BMX: variants seen among roughly 807,000 people sequenced by gnomAD.
The protein encoded by BMX is cytoplasmic tyrosine-protein kinase BMX.
In BMX, 31 loss-of-function variants were observed where a neutral mutation model predicts 59.2. The ratio of observed to expected loss-of-function variants is 0.52; its 90% CI spans 0.39 to 0.71. BMX has a LOEUF of 0.71. Among genes scored for constraint, BMX ranks in the 30% least tolerant of loss-of-function variants. The pLI is 0.00. For missense variants in BMX, 474 were observed against 491.7 expected (o/e 0.96, Z 0.34); for synonymous variants, 185 against 181.0 (o/e 1.02, Z -0.18).
chrX:15,530,228 C>T (rs1384049790), intron 10 of BMX, among the ~76,000 whole-genome samples: 3 of 111,921 alleles, frequency 2.7e-5, no homozygotes, highest in Non-Finnish European at 3.8e-5. Context: ...GCATAATAAA[C>T]CACTCCTAAA....
chrX:15,555,201 C>CTTTTTTTT (rs34118728), intron 18 of BMX, among the ~76,000 whole-genome samples: 4 of 41,592 alleles, frequency 9.6e-5, no homozygotes, highest in Non-Finnish European at 1.2e-4. Context: ...ACGAGGGAAG[C>CTTTTTTTT]TTTTTTTTTT....
chrX:15,518,587 A>T (rs182083827), intron 6 of BMX, among the ~76,000 whole-genome samples: 280 of 111,413 alleles, frequency 2.5e-3, no homozygotes, highest in Non-Finnish European at 3.8e-3. Context: ...GTTCCATCCA[A>T]TGTTATTATC....
chrX:15,537,441 A>C, intron 14 of BMX, 136 bp downstream of exon 14: 1 of 675,127 alleles, frequency 1.5e-6, no homozygotes, highest in Non-Finnish European at 2.2e-6. Context: ...TTTAGAAGTT[A>C]TAAATTGAAC....
chrX:15,518,226 A>T (rs1391385508), intron 6 of BMX, among the ~76,000 whole-genome samples: 1 of 108,702 alleles, frequency 9.2e-6, no homozygotes, highest in African/African-American at 3.4e-5. Context: ...CCTAGCCAGT[A>T]AGCCCATAAA....
chrX:15,540,225 T>C (rs1188638507), intron 14 of BMX, among the ~76,000 whole-genome samples: 1 of 111,760 alleles, frequency 8.9e-6, no homozygotes, highest in East Asian at 2.8e-4. Flanking sequence ...ATGTGGCACA[T>C]ATACACCATG....
In BMX at chrX:15,537,221, AG is replaced by A; in HGVS notation, c.1314del (p.Gln439SerfsTer8). 3 of 1,210,611 alleles carry A rather than the reference AG, an allele frequency of 2.5e-6. No homozygotes were observed. The highest frequency in any genetic ancestry group is 3.4e-6 in the Non-Finnish European group (3 of 895,075). ...QFGVVQLGKW[K>X]GQYDVAVKMI... The stretch of plus-strand genomic sequence containing the variant: ...GGAGTGGTCCAGCTGGGCAAGTGGA[AG>A]GGGCAGTATGATGTTGCTGTTAAGA... On this transcript the variant is annotated frameshift_variant, in exon 14 of 19. Transcript: ENST00000348343. LOFTEE classifies it high-confidence loss of function.
chrX:15,536,310 T>C (rs1393704203), intron 12 of BMX, 43 bp from the exon 13 acceptor site: 1 of 1,156,313 alleles, frequency 8.6e-7, no homozygotes, highest in South Asian at 1.8e-5. Flanking sequence ...TGTGATGGGA[T>C]ATGATATAAT....
chrX:15,548,672 C>G (rs1926060657), intron 17 of BMX, among the ~76,000 whole-genome samples: 1 of 111,148 alleles, frequency 9.0e-6, no homozygotes, highest in African/African-American at 3.3e-5. Flanking sequence ...GTGAGGATAC[C>G]CAAAATGAAT....
intron 16 of BMX, among the ~76,000 whole-genome samples, chrX:15,543,600 A>AT (rs1204237085): frequency 9.1e-6 from 1 of 110,383 alleles, no homozygotes; most frequent in Admixed American, 9.7e-5. Context: ...AATATTTATA[A>AT]TTTTTTAACT....
chrX:15,526,138 A>G (rs769604841), intron 9 of BMX, 43 bp downstream of exon 9: 1 of 1,105,751 alleles, frequency 9.0e-7, no homozygotes, highest in African/African-American at 1.8e-5. Context: ...AATTAGACAT[A>G]GATACTTCTA....
chrX:15,511,382 C>A, intron 3 of BMX, 55 bp from the exon 4 acceptor site: 1 of 1,048,261 alleles, frequency 9.5e-7, no homozygotes, highest in Non-Finnish European at 1.3e-6. Flanking sequence ...GCAGGTGCAC[C>A]AAAGTGAAGT....
chrX:15,537,265 A>G lies in BMX; in HGVS notation c.1354A>G (p.Met452Val), dbSNP rs770170556. Residue 452 changes from methionine (M) to valine (V), a missense_variant, in exon 14 of 19, where the codon ATG becomes GTG. Transcript: ENST00000348343. ...VAVKMIKEGS[M>V]SEDEFFQEAQ... is the part of the protein sequence containing the mutation. ...TGTTAAGATGATCAAGGAGGGCTCC[A>G]TGTCAGAAGATGAATTCTTTCAGGA... The G allele has an allele frequency of 8.3e-7, 1 of 1,210,315 alleles. No homozygotes were observed.
At chrX:15,512,027 CAAGTA>C (rs954167844) in intron 4 of BMX, among the ~76,000 whole-genome samples, 4 of 112,146 alleles carry the variant, frequency 3.6e-5, no homozygotes, top group African/African-American at 1.3e-4. Flanking sequence ...ATTTTTCAGA[CAAGTA>C]AAGTTTTTAA....
At chrX:15,551,805 G>A (rs916094147) in intron 18 of BMX, among the ~76,000 whole-genome samples, 1 of 110,950 alleles carries the variant, frequency 9.0e-6, no homozygotes, top group Non-Finnish European at 1.9e-5. Context: ...TACCCCAAAT[G>A]TTGACTATGG....
chrX:15,538,240 A>G (rs888135063), intron 14 of BMX, among the ~76,000 whole-genome samples: 2 of 106,117 alleles, frequency 1.9e-5, no homozygotes, highest in Admixed American at 1.0e-4. Context: ...TCTCAGTTGT[A>G]TATAATTCTC....
chrX:15,522,470 G>C lies in BMX; in HGVS notation c.635G>C (p.Ser212Thr), dbSNP rs147917241. 2.4e-4 allele frequency: 285 copies of C among 1,210,903 alleles called. No individual in the cohort carries two copies. The highest frequency in any genetic ancestry group is 2.9e-4 in the Non-Finnish European group (260 of 895,438). The change falls in exon 7 of 19, where the codon AGT (serine) becomes ACT (threonine). Residue 212 changes from serine to threonine, a missense_variant. Physicochemically the swap from Ser to Thr is moderately conservative, Grantham distance 58. Coordinates refer to ENST00000348343, the MANE Select transcript of BMX (RefSeq NM_203281.3). ...YGSQPPSSST[S>T]LAQYDSNSKK... ...TCCCAGCCACCATCTTCAAGTACCA[G>C]TCTAGCGCAATATGACAGCAACTCA...
intron 1 of BMX, among the ~76,000 whole-genome samples, chrX:15,504,879 C>G (rs1016518823): frequency 9.0e-6 from 1 of 111,602 alleles, no homozygotes; most frequent in Non-Finnish European, 1.9e-5. Flanking sequence ...ATATGAGAGT[C>G]CACCCAGATC....
chrX:15,534,596 C>T (rs929061770), intron 12 of BMX, among the ~76,000 whole-genome samples: 1 of 110,704 alleles, frequency 9.0e-6, no homozygotes, highest in Admixed American at 9.7e-5. Context: ...TAAAAATATT[C>T]GTAGGGTTTT....
rs58905214 is a variant in BMX, at chrX:15,550,665, TACACACACACACACACACACAC to T, written c.1953+694_1953+715del. ...GTGCCCTCACTGAACTCAAAGTCTT[TACACACACACACACACACACAC>T]ACACACACACACACACACACACACA... On this transcript the variant is annotated intron_variant, in intron 18 of 18. Coordinates refer to ENST00000348343, the MANE Select transcript of BMX (RefSeq NM_203281.3). Among the ~76,000 whole-genome samples, 17 of 86,770 alleles carry T rather than the reference TACACACACACACACACACACAC, an allele frequency of 2.0e-4. No homozygotes were observed. The South Asian group carries it at 2.8e-3, about 14-fold the overall frequency. The allele number at this position is 86,770 out of a possible 115,157, so 75.3% of individuals were successfully genotyped here.
Sources: gnomAD v4.1 joint callset for allele counts (sites outside exome capture counted in the v4.1 genomes callset) on GRCh38, gnomAD v4.1.1 for gene constraint, MANE v1.5 for transcripts, NCBI Gene and HGNC (gene_info 2026-07-23, HGNC 2026-07-21) for gene names.